The following THSD7A variants were observed in gnomAD, a reference collection of about 807,000 sequenced individuals.
THSD7A encodes thrombospondin type 1 domain containing 7A.
THSD7A carries 96 observed loss-of-function variants against 231.3 expected under a neutral mutation model. The ratio of observed to expected loss-of-function variants is 0.41; its 90% CI spans 0.35 to 0.49. The LOEUF is 0.49. Among genes scored for constraint, THSD7A ranks in the 20% least tolerant of loss-of-function variants. The pLI is 0.05. For synonymous variants in THSD7A, 940 were observed against 743.3 expected, an observed-to-expected ratio of 1.26 and a Z score of -4.30; for missense variants, 2,290 against 2,070.2, an observed-to-expected ratio of 1.11 and a Z score of -2.06.
intron 1 of THSD7A, among the ~76,000 whole-genome samples, chr7:11,782,969 G>A (rs888629078): frequency 6.6e-6 from 1 of 152,058 alleles, no homozygotes; most frequent in African/African-American, 2.4e-5. Context: ...GAGTAATCCT[G>A]AAGAAGCAGA....
chr7:11,568,996 A>G (rs965480122), intron 4 of THSD7A, among the ~76,000 whole-genome samples: 5 of 151,458 alleles, frequency 3.3e-5, no homozygotes, highest in Non-Finnish European at 7.4e-5. Context: ...CAAAAAAAAA[A>G]ACAAACCCTA....
chr7:11,528,738 T>C (rs1254403945), intron 6 of THSD7A, among the ~76,000 whole-genome samples: 2 of 152,174 alleles, frequency 1.3e-5, no homozygotes. Flanking sequence ...AGCTATAGCA[T>C]GTTCCCTGTT....
chr7:11,746,885 A>C (rs1055087863), intron 1 of THSD7A, among the ~76,000 whole-genome samples: 1 of 151,844 alleles, frequency 6.6e-6, no homozygotes, highest in African/African-American at 2.4e-5. Context: ...TATAAGGAAG[A>C]TTGGTCCTTT....
chr7:11,715,881 T>A (rs1781118673), intron 1 of THSD7A, among the ~76,000 whole-genome samples: 1 of 151,474 alleles, frequency 6.6e-6, no homozygotes, highest in African/African-American at 2.4e-5. Flanking sequence ...AAAAGGCAAA[T>A]CAAATTTCTC....
At chr7:11,674,846 G>A (rs1235426791) in intron 1 of THSD7A, among the ~76,000 whole-genome samples, 1 of 152,038 alleles carries the variant, frequency 6.6e-6, no homozygotes, top group East Asian at 1.9e-4. Context: ...ACACAGAATT[G>A]AGAATATGAA....
chr7:11,742,316 T>G (rs898494269), intron 1 of THSD7A, among the ~76,000 whole-genome samples: 1 of 151,970 alleles, frequency 6.6e-6, no homozygotes, highest in Non-Finnish European at 1.5e-5. Flanking sequence ...ATTTAAAATT[T>G]AATTCCCCTT....
intron 11 of THSD7A, among the ~76,000 whole-genome samples, chr7:11,448,349 T>G (rs906549262): frequency 3.9e-5 from 6 of 152,162 alleles, no homozygotes; most frequent in Admixed American, 2.0e-4. Context: ...CTATGCCATT[T>G]CCTTTCCATT....
intron 23 of THSD7A, chr7:11,384,838 T>C (rs1782667295): frequency 6.6e-6 from 1 of 152,018 alleles, no homozygotes; most frequent in Non-Finnish European, 1.5e-5. Context: ...TTAACTCCTC[T>C]GACTTAATTT....
chr7:11,605,504 C>A (rs1052531167), intron 2 of THSD7A, among the ~76,000 whole-genome samples: 2 of 152,084 alleles, frequency 1.3e-5, no homozygotes, highest in Non-Finnish European at 2.9e-5. Context: ...CCTTGTCAGA[C>A]CCCCGCTCCA....
chr7:11,763,664 T>G (rs1285498608), intron 1 of THSD7A, among the ~76,000 whole-genome samples: 1 of 152,144 alleles, frequency 6.6e-6, no homozygotes, highest in Admixed American at 6.5e-5. Flanking sequence ...TTAGGTTAGT[T>G]TTTTTAATCA....
intron 6 of THSD7A, among the ~76,000 whole-genome samples, chr7:11,491,130 T>C (rs1786873466): frequency 6.6e-6 from 1 of 152,138 alleles, no homozygotes; most frequent in Non-Finnish European, 1.5e-5. Context: ...TACATTGTAC[T>C]AGACTCAGAG....
intron 23 of THSD7A, among the ~76,000 whole-genome samples, chr7:11,382,938 A>C (rs1383342406): frequency 6.6e-6 from 1 of 150,758 alleles, no homozygotes; most frequent in East Asian, 1.9e-4. Context: ...ATATATATAT[A>C]TATCTCCCAT....
At chr7:11,829,001 T>C (rs368775183) in intron 1 of THSD7A, among the ~76,000 whole-genome samples, 2 of 152,230 alleles carry the variant, frequency 1.3e-5, no homozygotes, top group East Asian at 3.9e-4. Flanking sequence ...ATTTAATGAA[T>C]AGTAAATATA....
intron 6 of THSD7A, among the ~76,000 whole-genome samples, chr7:11,488,552 A>T: frequency 6.6e-6 from 1 of 152,096 alleles, no homozygotes; most frequent in East Asian, 1.9e-4. Context: ...AGTCAATTTT[A>T]ATCCCTGCAT....
intron 6 of THSD7A, among the ~76,000 whole-genome samples, chr7:11,529,897 A>G (rs1468295882): frequency 1.3e-5 from 2 of 152,196 alleles, no homozygotes; most frequent in Admixed American, 1.3e-4. Context: ...TAAAAGTAAC[A>G]ACAAACACTT....
intron 1 of THSD7A, among the ~76,000 whole-genome samples, chr7:11,665,942 G>A (rs1783113890): frequency 6.6e-6 from 1 of 152,120 alleles, no homozygotes; most frequent in South Asian, 2.1e-4. Flanking sequence ...GGCTTTAGAA[G>A]GTGTCTGTGG....
At chr7:11,664,140 C>T (rs1783033388) in intron 1 of THSD7A, among the ~76,000 whole-genome samples, 1 of 151,710 alleles carries the variant, frequency 6.6e-6, no homozygotes, top group Admixed American at 6.6e-5. Context: ...CTGCCACCCA[C>T]ATCCTTTTAC....
intron 2 of THSD7A, among the ~76,000 whole-genome samples, chr7:11,630,987 C>A (rs561660065): frequency 6.6e-6 from 1 of 152,328 alleles, no homozygotes; most frequent in South Asian, 2.1e-4. Flanking sequence ...CCTTTGACAG[C>A]TTACCTCAGC....
intron 6 of THSD7A, among the ~76,000 whole-genome samples, chr7:11,537,379 C>T (rs941809173): frequency 3.3e-5 from 5 of 152,156 alleles, no homozygotes; most frequent in Non-Finnish European, 7.4e-5. Flanking sequence ...TCTGGTGGGA[C>T]GTGATTGGAT....
Sources: gnomAD v4.1 joint callset for allele counts (sites outside exome capture counted in the v4.1 genomes callset) on GRCh38, gnomAD v4.1.1 for gene constraint, MANE v1.5 for transcripts, NCBI Gene and HGNC (gene_info 2026-07-23, HGNC 2026-07-21) for gene names.